The following ABCA13 variants were observed in gnomAD, a reference collection of about 807,000 sequenced individuals.
ABCA13 encodes the protein ATP-binding cassette sub-family A member 13.
A neutral mutation model predicts 478.7 loss-of-function variants in ABCA13; 476 were observed. That is an observed-to-expected ratio of 0.99 (90% confidence interval 0.92 to 1.07). ABCA13 has a LOEUF of 1.07. Among genes scored for constraint, ABCA13 ranks in the 50% least tolerant of loss-of-function variants. The pLI is 0.00. For synonymous variants in ABCA13, 2,252 were observed against 2,158.9 expected (o/e 1.04, Z -1.20); for missense variants, 6,060 against 5,910.6 (o/e 1.03, Z -0.83).
chr7:48,582,854 G>A (rs538665992), intron 56 of ABCA13, among the ~76,000 whole-genome samples: 1 of 152,254 alleles, frequency 6.6e-6, no homozygotes, highest in South Asian at 2.1e-4. Context: ...GATTTACACT[G>A]CACAAAACTG....
intron 29 of ABCA13, among the ~76,000 whole-genome samples, chr7:48,340,546 C>G (rs1228264671): frequency 6.6e-6 from 1 of 152,082 alleles, no homozygotes; most frequent in African/African-American, 2.4e-5. Flanking sequence ...ATTTTAAAAG[C>G]CTCGGAGTTC....
At chr7:48,271,671 G>T in intron 16 of ABCA13, 116 bp from the exon 17 acceptor site, 1 of 599,370 alleles carries the variant, frequency 1.7e-6, no homozygotes, top group East Asian at 3.5e-5. Context: ...AAATCATGTT[G>T]TCTATTAAAT....
In ABCA13 at chr7:48,372,348, GT is replaced by G; in HGVS notation, c.10985del (p.Val3662AlafsTer3). 6.2e-7 allele frequency: 1 copy of G among 1,613,836 alleles called. No individual in the cohort carries two copies. On this transcript the variant is annotated frameshift_variant, in exon 33 of 62. Transcript: ENST00000435803. LOFTEE classifies it high-confidence loss of function. ...LFLLDFGMSV[V>X]MLSYLLSAFF... is the part of the protein sequence containing the mutation. ...TCTCTTGGATTTTGGGATGTCAGTCGTCATGCTGAGCTACCTCTTGAGTGCA... is the reference window on the plus strand; with the variant it reads ...TCTCTTGGATTTTGGGATGTCAGTCGCATGCTGAGCTACCTCTTGAGTGCA...
At chr7:48,253,904 TTTC>T (rs1458259578) in intron 15 of ABCA13, among the ~76,000 whole-genome samples, 1 of 152,032 alleles carries the variant, frequency 6.6e-6, no homozygotes, top group Non-Finnish European at 1.5e-5. Flanking sequence ...TTTCTTTTTT[TTTC>T]TTATTAGGAC....
chr7:48,208,661 C>T (rs1785236965), intron 3 of ABCA13, among the ~76,000 whole-genome samples: 1 of 151,792 alleles, frequency 6.6e-6, no homozygotes, highest in Non-Finnish European at 1.5e-5. Flanking sequence ...AATTTTGTAT[C>T]CTGCAACTTT....
chr7:48,353,625 A>C (rs756352215), intron 31 of ABCA13, among the ~76,000 whole-genome samples: 2 of 151,540 alleles, frequency 1.3e-5, no homozygotes, highest in Non-Finnish European at 2.9e-5. Flanking sequence ...ACACGTGAGG[A>C]TAGGTGACTT....
intron 23 of ABCA13, among the ~76,000 whole-genome samples, chr7:48,307,829 C>T (rs934391373): frequency 6.6e-6 from 1 of 151,970 alleles, no homozygotes; most frequent in African/African-American, 2.4e-5. Flanking sequence ...TACAGGTGTA[C>T]GCCACCATAC....
Position 48,245,544 on chromosome 7 carries a change from G to T in ABCA13, c.1423G>T (p.Asp475Tyr), listed in dbSNP as rs765358163. 1 of 1,612,878 alleles carries T rather than the reference G, an allele frequency of 6.2e-7. No homozygotes were observed. Among genetic ancestry groups the T allele is most frequent in the South Asian group, 1.1e-5 (1 of 90,600 alleles). ...VLICLETSANDFKWFELNQLK... is the reference protein window; with the variant it reads ...VLICLETSANYFKWFELNQLK... Reference sequence around the variant, plus strand: ...CATTTGCCTGGAGACATCAGCTAATGATTTTAAATGGTTTGAACTTAACCA... The same window carrying T: ...CATTTGCCTGGAGACATCAGCTAATTATTTTAAATGGTTTGAACTTAACCA... Residue 475 changes from aspartate to tyrosine, a missense_variant, in exon 12 of 62, where the codon GAT (aspartate) becomes TAT (tyrosine). Physicochemically the swap from Asp to Tyr is radical, Grantham distance 160 (BLOSUM62 -3). Transcript: ENST00000435803.
intron 42 of ABCA13, among the ~76,000 whole-genome samples, chr7:48,431,199 G>A (rs756467316): frequency 5.9e-5 from 9 of 152,004 alleles, no homozygotes; most frequent in Non-Finnish European, 1.0e-4. Context: ...AAACCAGAAT[G>A]GGTTCATATT....
At chr7:48,493,393 A>C (rs1830009728) in intron 48 of ABCA13, among the ~76,000 whole-genome samples, 1 of 152,184 alleles carries the variant, frequency 6.6e-6, no homozygotes, top group Non-Finnish European at 1.5e-5. Context: ...ATATTAAATA[A>C]AGATATAAAA....
At chr7:48,622,289 T>G (rs888849783) in intron 59 of ABCA13, among the ~76,000 whole-genome samples, 5 of 152,210 alleles carry the variant, frequency 3.3e-5, no homozygotes, top group Non-Finnish European at 7.3e-5. Flanking sequence ...TTCTCTCTCC[T>G]AATCCATTCT....
At chr7:48,642,360 A>G (rs1447481885) in intron 59 of ABCA13, among the ~76,000 whole-genome samples, 1 of 152,150 alleles carries the variant, frequency 6.6e-6, no homozygotes, top group Non-Finnish European at 1.5e-5. Context: ...AGTGTAACAC[A>G]TTTTCCCCCA....
intron 55 of ABCA13, among the ~76,000 whole-genome samples, chr7:48,567,704 C>T (rs1435613784): frequency 6.6e-6 from 1 of 151,688 alleles, no homozygotes; most frequent in Non-Finnish European, 1.5e-5. Context: ...CTTTGGCAGA[C>T]CCCCAAGAAA....
At chr7:48,457,660 A>C (rs1272784011) in intron 43 of ABCA13, among the ~76,000 whole-genome samples, 1 of 152,238 alleles carries the variant, frequency 6.6e-6, no homozygotes, top group East Asian at 1.9e-4. Context: ...ATGTTACTTA[A>C]CTTATGAAAC....
At chr7:48,406,644 G>C (rs1031732194) in intron 39 of ABCA13, among the ~76,000 whole-genome samples, 4 of 152,020 alleles carry the variant, frequency 2.6e-5, no homozygotes, top group African/African-American at 9.7e-5. Flanking sequence ...AGGCCAAGAT[G>C]GGTGGATCAC....
At chr7:48,613,311 C>T (rs1253958189) in intron 58 of ABCA13, among the ~76,000 whole-genome samples, 2 of 151,998 alleles carry the variant, frequency 1.3e-5, no homozygotes, top group African/African-American at 4.8e-5. Flanking sequence ...GCCTCAGCCT[C>T]TTGAGTAGCT....
chr7:48,279,208 A>G lies in ABCA13; in HGVS notation c.8014A>G (p.Asn2672Asp). Residue 2672 changes from asparagine (N) to aspartate (D), a missense_variant, in exon 18 of 62, where the codon AAC becomes GAC. This residue lies in a region of ABCA13 where 4,423 missense variants were observed against 4,309.1 expected (regional missense o/e 1.03). Coordinates refer to ENST00000435803, the MANE Select transcript of ABCA13 (RefSeq NM_152701.5). ...ETQTFSMDSV[N>D]LREEILGCLV... is the part of the protein sequence containing the mutation. ...TCAAACATTTTCTATGGATTCTGTC[A>G]ACTTACGGGAAGAAATTCTGGGTTG... is the stretch of plus-strand genomic sequence containing the variant. 6.3e-7 allele frequency: 1 copy of G among 1,594,854 alleles called. No homozygotes were observed. The highest frequency in any genetic ancestry group is 8.5e-7 in the Non-Finnish European group (1 of 1,169,928).
chr7:48,379,499 C>G (rs1444015756), intron 35 of ABCA13, among the ~76,000 whole-genome samples: 1 of 151,406 alleles, frequency 6.6e-6, no homozygotes, highest in Non-Finnish European at 1.5e-5. Context: ...GAAATAGAAA[C>G]TAATTTATAG....
chr7:48,521,357 C>A (rs1383114336), intron 53 of ABCA13, among the ~76,000 whole-genome samples: 1 of 152,192 alleles, frequency 6.6e-6, no homozygotes, highest in Non-Finnish European at 1.5e-5. Context: ...TATAAAGACA[C>A]ATGATTAATA....
Sources: gnomAD v4.1 joint callset for allele counts (sites outside exome capture counted in the v4.1 genomes callset) on GRCh38, gnomAD v4.1.1 for gene constraint, gnomAD v4.1.1 regional missense constraint, MANE v1.5 for transcripts, NCBI Gene and HGNC (gene_info 2026-07-23, HGNC 2026-07-21) for gene names.